DLD: variants seen among roughly 807,000 people sequenced by gnomAD.
DLD encodes dihydrolipoamide dehydrogenase.
A neutral mutation model predicts 62.2 loss-of-function variants in DLD; 36 were observed. That is an observed-to-expected ratio of 0.58 (90% CI 0.44 to 0.76). The LOEUF (loss-of-function observed/expected upper bound fraction) is 0.76. Ranked by LOEUF, DLD falls within the 30% of genes least tolerant of loss-of-function variation. DLD has a pLI of 0.00. For synonymous variants in DLD, 204 were observed against 199.6 expected (o/e 1.02, Z -0.19); for missense variants, 541 against 608.6 (o/e 0.89, Z 1.17).
At chr7:107,916,509 T>C (rs1017345929) in intron 9 of DLD, among the ~76,000 whole-genome samples, 1 of 151,946 alleles carries the variant, frequency 6.6e-6, no homozygotes, top group Non-Finnish European at 1.5e-5. Flanking sequence ...CCGTCTCTAC[T>C]AAAAATACAA....
At chr7:107,915,417 A>G (rs2032242546) in intron 8 of DLD, 89 bp from the exon 9 acceptor site, 1 of 1,431,962 alleles carries the variant, frequency 7.0e-7, no homozygotes, top group Admixed American at 1.8e-5. Flanking sequence ...GAAAGAAGAA[A>G]ATGTTTTACA....
intron 1 of DLD, chr7:107,891,514 C>A (rs1446732996): frequency 1.6e-6 from 1 of 610,604 alleles, no homozygotes; most frequent in Admixed American, 2.9e-5. Context: ...GTGGCGAGTC[C>A]TTTCGGGTTG....
rs2116274678 is a variant in DLD at position 107,918,071 on chromosome 7, G to A, written c.1374+10G>A. 3.1e-6 allele frequency: 5 copies of A among 1,613,796 alleles called. No homozygotes were observed. The highest frequency in any genetic ancestry group is 3.3e-4 in the Middle Eastern group (2 of 6,062). ...ACATATTCTTGGACCAGTGAGTATT[G>A]TAAAACCAGAGAAATCCCATTAAGA... On this transcript the variant is annotated intron_variant, in intron 12 of 13. Coordinates refer to ENST00000205402, the MANE Select transcript of DLD (RefSeq NM_000108.5).
At chr7:107,917,857 A>G in intron 11 of DLD, 67 bp from the exon 12 acceptor site, 3 of 1,595,412 alleles carry the variant, frequency 1.9e-6, no homozygotes, top group Non-Finnish European at 2.6e-6. Context: ...CAAATGGTAG[A>G]TGATTTTACA....
intron 8 of DLD, among the ~76,000 whole-genome samples, chr7:107,911,817 AT>A: frequency 6.6e-6 from 1 of 151,790 alleles, no homozygotes. Flanking sequence ...CACCTCGAAC[AT>A]TTTTTTAAAT....
chr7:107,903,337 C>A, intron 4 of DLD, 141 bp from the exon 5 acceptor site: 1 of 568,142 alleles, frequency 1.8e-6, no homozygotes. Context: ...GAGATGGCGC[C>A]ATTGCACTCC....
Position 107,891,284 on chromosome 7 carries a change from G to A in DLD, c.34G>A (p.Ala12Thr), listed in dbSNP as rs75077312. 1.1e-3 allele frequency: 1,759 copies of A among 1,614,124 alleles called. 19 individuals are homozygous for A. In the African/African-American group the frequency reaches 0.021, roughly 19 times the overall value. ...QSWSRVYCSL[A>T]KRGHFNRISH... ...CTGGAGTCGTGTGTACTGCTCCTTG[G>A]CCAAGGTGAGGGCCGAGTAGGTGAG... Residue 12 changes from alanine to threonine, a missense_variant, in exon 1 of 14, where the codon GCC (alanine) becomes ACC (threonine). Physicochemically the swap from Ala to Thr is moderately conservative, Grantham distance 58. Transcript: ENST00000205402.
chr7:107,906,240 T>G (rs1188291863), intron 7 of DLD, 27 bp from the exon 8 acceptor site: 1 of 1,431,034 alleles, frequency 7.0e-7, no homozygotes, highest in South Asian at 1.2e-5. Context: ...CAAATTATTT[T>G]GATTATATCT....
chr7:107,906,900 TAG>T (rs2032021657), intron 8 of DLD, among the ~76,000 whole-genome samples: 1 of 152,238 alleles, frequency 6.6e-6, no homozygotes, highest in Non-Finnish European at 1.5e-5. Context: ...CCCTCCATTT[TAG>T]AGTCACTGTG....
rs766978570 is a variant in DLD, at chr7:107,891,212, A to G, written c.-39A>G. On this transcript the variant is annotated 5_prime_UTR_variant, in exon 1 of 14. Transcript: ENST00000205402. ...GCGGAGCGGCGGAGGCGCCCAGCGGAGGTGAAAGTATTGGCGGAAAGGAAA... is the reference window on the plus strand; with the variant it reads ...GCGGAGCGGCGGAGGCGCCCAGCGGGGGTGAAAGTATTGGCGGAAAGGAAA... 10 of 1,613,344 alleles carry G rather than the reference A, an allele frequency of 6.2e-6. No homozygotes were observed. The highest frequency in any genetic ancestry group is 8.5e-6 in the Non-Finnish European group (10 of 1,179,366).
chr7:107,913,726 T>G (rs565886790), intron 8 of DLD, among the ~76,000 whole-genome samples: 1 of 152,272 alleles, frequency 6.6e-6, no homozygotes, highest in South Asian at 2.1e-4. Context: ...CTTTGTTTCT[T>G]TCTCCTCTAC....
In DLD at chr7:107,901,803, C is replaced by T. The variant is rs1584462024; in HGVS notation, c.184C>T (p.Gln62Ter). The part of the protein sequence containing the change: ...GGYVAAIKAA[Q>*]LGFKTVCIEK... ...ATATGTTGCTGCTATTAAAGCTGCC[C>T]AGTTAGGCTTCAAGGTAAGGTTTGA... Residue 62 changes from glutamine to a stop codon, truncating the protein, a stop_gained, in exon 3 of 14, where the codon CAG (glutamine) becomes TAG (stop). Transcript: ENST00000205402. LOFTEE classifies it high-confidence loss of function. The T allele has an allele frequency of 6.2e-7, 1 of 1,612,962 alleles. No homozygotes were observed. The highest frequency in any genetic ancestry group is 1.1e-5 in the South Asian group (1 of 91,054).
chr7:107,891,113 G>C, upstream of DLD: 1 of 1,101,528 alleles, frequency 9.1e-7, no homozygotes, highest in Non-Finnish European at 1.4e-6. Flanking sequence ...CGGTAGAACC[G>C]CGCGGGCCAA....
At chr7:107,897,672 G>A (rs894499070) in intron 2 of DLD, among the ~76,000 whole-genome samples, 3 of 148,516 alleles carry the variant, frequency 2.0e-5, no homozygotes, top group African/African-American at 5.0e-5. Context: ...TCCACCTCCC[G>A]GGTTCAGGAG....
intron 8 of DLD, among the ~76,000 whole-genome samples, chr7:107,908,453 A>G (rs1462797886): frequency 6.6e-6 from 1 of 152,082 alleles, no homozygotes; most frequent in East Asian, 1.9e-4. Context: ...AGATTGCTTA[A>G]GCCCAAGAGT....
rs760986041 is a variant in DLD at position 107,915,485 on chromosome 7, G to T, written c.685-21G>T. On this transcript the variant is annotated intron_variant, in intron 8 of 13. Transcript: ENST00000205402. ...CTATAGAAACTTTTATGATTATTGG[G>T]TTTTTTTAATTTATTTGCAGGGTTC... is the stretch of plus-strand genomic sequence containing the variant. 11 of 1,612,608 alleles carry T rather than the reference G, an allele frequency of 6.8e-6. No homozygotes were observed. In the East Asian group the frequency reaches 1.3e-4, roughly 20 times the overall value.
chr7:107,899,516 AC>A (rs2031823474), intron 2 of DLD, among the ~76,000 whole-genome samples: 1 of 151,934 alleles, frequency 6.6e-6, no homozygotes, highest in Non-Finnish European at 1.5e-5. Context: ...AGTACCATGG[AC>A]CTACTATAAG....
chr7:107,893,023 ATTAG>A (rs1005172942), intron 1 of DLD, among the ~76,000 whole-genome samples, 173 bp from the exon 2 acceptor site: 2 of 152,212 alleles, frequency 1.3e-5, no homozygotes, highest in African/African-American at 4.8e-5. Context: ...AATTTAAATG[ATTAG>A]TTATTGTCAA....
At chr7:107,896,635 A>G (rs541338455) in intron 2 of DLD, among the ~76,000 whole-genome samples, 4 of 152,280 alleles carry the variant, frequency 2.6e-5, no homozygotes, top group Non-Finnish European at 4.4e-5. Flanking sequence ...AGTGTTAACT[A>G]TGGGAGGAGG....
Sources: gnomAD v4.1 joint callset for allele counts (sites outside exome capture counted in the v4.1 genomes callset) on GRCh38, gnomAD v4.1.1 for gene constraint, MANE v1.5 for transcripts, NCBI Gene and HGNC (gene_info 2026-07-23, HGNC 2026-07-21) for gene names.